The following SLC25A28 variants were observed in gnomAD, a reference collection of about 807,000 sequenced individuals.
The protein encoded by SLC25A28 is mitoferrin-2.
Under a neutral mutation model 31.9 loss-of-function variants are expected in SLC25A28, and 10 were observed. The ratio of observed to expected loss-of-function variants is 0.31; its 90% CI spans 0.19 to 0.53. The LOEUF is 0.53. Ranked by LOEUF, SLC25A28 falls within the 20% of genes least tolerant of loss-of-function variation. SLC25A28 has a pLI of 0.95. For missense variants in SLC25A28, 256 were observed against 490.3 expected (o/e 0.52, Z 4.51); for synonymous variants, 208 against 203.6 (o/e 1.02, Z -0.19).
chr10:99,637,332 A>G, the SLC25A28 span, among the ~76,000 whole-genome samples: 3 of 152,338 alleles, frequency 2.0e-5, no homozygotes, highest in African/African-American at 2.4e-5. Flanking sequence ...AGCCAACATT[A>G]TACTGAATGG....
At chr10:99,655,820 G>C in the SLC25A28 span, among the ~76,000 whole-genome samples, 1 of 152,112 alleles carries the variant, frequency 6.6e-6, no homozygotes, top group African/African-American at 2.4e-5. Context: ...TATCTCCTGG[G>C]ACTGAGGTTG....
chr10:99,647,179 A>G, the SLC25A28 span, among the ~76,000 whole-genome samples: 1 of 152,202 alleles, frequency 6.6e-6, no homozygotes, highest in African/African-American at 2.4e-5. Context: ...ATATATACGC[A>G]TTGGTGGGAT....
chr10:99,647,069 T>C, the SLC25A28 span, among the ~76,000 whole-genome samples: 1 of 152,242 alleles, frequency 6.6e-6, no homozygotes, highest in Non-Finnish European at 1.5e-5. Flanking sequence ...AACCTTCTGC[T>C]GATGGACACA....
Position 99,620,409 on chromosome 10 carries a change from G to C in SLC25A28, c.-74C>G. 6.7e-6 allele frequency: 7 copies of C among 1,048,126 alleles called. No homozygotes were observed. Among genetic ancestry groups the C allele is most frequent in the Non-Finnish European group, 8.0e-6 (7 of 871,920 alleles). The allele number at this position is 1,048,126 out of a possible 1,614,324, so 64.9% of individuals were successfully genotyped here. A position where few individuals can be genotyped will look rare whatever the true frequency, so the allele number is the denominator to read the frequency against. ...GCCGCCGCCGCCCCCCGGCCCCGTAGTGTCCGCCTCAGGCGCGGCCCAGAG... is the reference window on the plus strand; with the variant it reads ...GCCGCCGCCGCCCCCCGGCCCCGTACTGTCCGCCTCAGGCGCGGCCCAGAG... On this transcript the variant is annotated 5_prime_UTR_variant, in exon 1 of 4. Transcript: ENST00000370495.
At chr10:99,623,327 C>T (rs1211261205), upstream of SLC25A28, among the ~76,000 whole-genome samples, 3 of 152,282 alleles carry the variant, frequency 2.0e-5, no homozygotes, top group East Asian at 1.9e-4. Context: ...TCTGACTCAG[C>T]GTGTCCATTC....
chr10:99,654,573 T>C, the SLC25A28 span, among the ~76,000 whole-genome samples: 1 of 152,016 alleles, frequency 6.6e-6, no homozygotes, highest in African/African-American at 2.4e-5. Context: ...GGAGGATTGC[T>C]TGAGCCTGGG....
chr10:99,642,880 A>G, the SLC25A28 span, among the ~76,000 whole-genome samples: 1 of 152,138 alleles, frequency 6.6e-6, no homozygotes, highest in African/African-American at 2.4e-5. Flanking sequence ...ATTAATTTGC[A>G]TATGTCCAAC....
Position 99,611,077 on chromosome 10 carries a change from G to A in SLC25A28, c.867C>T (p.Leu289=), listed in dbSNP as rs2034511540. 2 of 1,614,166 alleles carry A rather than the reference G, an allele frequency of 1.2e-6. No individual in the cohort carries two copies. Residue 289 remains leucine (L), a synonymous_variant, in exon 4 of 4, where the codon CTC becomes CTT. Coordinates refer to ENST00000370495, the MANE Select transcript of SLC25A28 (RefSeq NM_031212.4). This position sits in a 1 kb window ranked among gnomAD's most constrained non-coding sequence, Gnocchi z 5.5. Reference sequence around the variant, plus strand: ...TCAAAGCCAAGGACTCCTGGGTGTTGAGCAGTGTTTTGCAAACGTCCAGTG... The same window carrying A: ...TCAAAGCCAAGGACTCCTGGGTGTTAAGCAGTGTTTTGCAAACGTCCAGTG... ...TTPLDVCKTL[L]NTQESLALNS...
chr10:99,631,274 A>G, the SLC25A28 span, among the ~76,000 whole-genome samples: 3 of 152,202 alleles, frequency 2.0e-5, no homozygotes, highest in African/African-American at 7.2e-5. Flanking sequence ...TTTCTGTGAA[A>G]AAAGATTGAG....
At position 99,620,406 on chromosome 10, in the gene SLC25A28, G is replaced by A; in HGVS notation, c.-71C>T. ...ACTGCCGCCGCCGCCCCCCGGCCCC[G>A]TAGTGTCCGCCTCAGGCGCGGCCCA... On this transcript the variant is annotated 5_prime_UTR_variant, in exon 1 of 4. It adds an upstream start codon to the 5' untranslated region. Transcript: ENST00000370495. 3.0e-6 allele frequency: 3 copies of A among 1,002,922 alleles called. No individual in the cohort carries two copies. Among genetic ancestry groups the A allele is most frequent in the Non-Finnish European group, 2.4e-6 (2 of 848,956 alleles). The allele number at this position is 1,002,922 out of a possible 1,614,324, so 62.1% of individuals were successfully genotyped here.
the SLC25A28 span, among the ~76,000 whole-genome samples, chr10:99,650,700 C>G: frequency 6.6e-6 from 1 of 152,078 alleles, no homozygotes; most frequent in East Asian, 1.9e-4. Context: ...ATAGGAAAGC[C>G]TGGTTTCCCT....
upstream of SLC25A28, chr10:99,621,038 CGCGGGCGT>C (rs2133366044): frequency 1.0e-6 from 1 of 963,368 alleles, no homozygotes; most frequent in Non-Finnish European, 1.2e-6. Context: ...GGGATCTCGT[CGCGGGCGT>C]GAGGCGGGGC....
the SLC25A28 span, among the ~76,000 whole-genome samples, chr10:99,653,281 A>G: frequency 6.6e-6 from 1 of 152,182 alleles, no homozygotes; most frequent in East Asian, 1.9e-4. Context: ...GCCAGCTACC[A>G]TGTAATGAAG....
At chr10:99,628,678 G>A in the SLC25A28 span, among the ~76,000 whole-genome samples, 206 of 152,242 alleles carry the variant, frequency 1.4e-3, no homozygotes, top group African/African-American at 4.7e-3. Context: ...TTAATTAGCC[G>A]GGTGTGGTGG....
chr10:99,611,344 C>T lies in SLC25A28; in HGVS notation c.600G>A (p.Met200Ile), dbSNP rs2034519896. ...PAEVVKQRMQ[M>I]YNSPYHRVTD... ...TCACCCGGTGGTATGGTGAGTTGTACATCTGCATCCTCTGCTTGACCACTA... is the reference window on the plus strand; with the variant it reads ...TCACCCGGTGGTATGGTGAGTTGTATATCTGCATCCTCTGCTTGACCACTA... The change falls in exon 4 of 4, where the codon ATG becomes ATA. Residue 200 changes from methionine to isoleucine, a missense_variant. Around this residue, in one of 4 missense-constraint regions of SLC25A28, gnomAD observed 158 missense variants for 379.1 expected, o/e 0.42. Transcript: ENST00000370495. The surrounding 1 kb of genome is among the most constrained non-coding windows in gnomAD (Gnocchi z 5.5). 1.9e-6 allele frequency: 3 copies of T among 1,613,900 alleles called. No homozygotes were observed. The highest frequency in any genetic ancestry group is 1.3e-5 in the African/African-American group (1 of 74,864).
the SLC25A28 span, among the ~76,000 whole-genome samples, chr10:99,630,197 T>C: frequency 1.9e-4 from 29 of 152,224 alleles, no homozygotes; most frequent in African/African-American, 7.0e-4. Context: ...GGTACAGATC[T>C]CAGCTCACTC....
At chr10:99,646,852 G>A in the SLC25A28 span, among the ~76,000 whole-genome samples, 1 of 152,174 alleles carries the variant, frequency 6.6e-6, no homozygotes, top group Non-Finnish European at 1.5e-5. Flanking sequence ...AGTCTCCAGT[G>A]TCTAATAGTC....
At chr10:99,654,596 C>T in the SLC25A28 span, among the ~76,000 whole-genome samples, 1 of 152,034 alleles carries the variant, frequency 6.6e-6, no homozygotes, top group Admixed American at 6.6e-5. Context: ...GCAGAGGTTG[C>T]AGTCAGCCGA....
rs2034530809 is a variant in SLC25A28 at position 99,611,845 on chromosome 10, GA to G, written c.578-480del. On this transcript the variant is annotated intron_variant, in intron 3 of 3. Transcript: ENST00000370495. The surrounding 1 kb of genome is among the most constrained non-coding windows in gnomAD (Gnocchi z 5.5). The stretch of plus-strand genomic sequence containing the variant: ...GGGAGGAGACAGAAGTTCTACCAAA[GA>G]AAAGATTCTTAGCCAAAAAGAGTTG... Among the ~76,000 whole-genome samples the G allele has an allele frequency of 6.6e-6, 1 of 152,174 alleles. No individual in the cohort carries two copies. The highest frequency in any genetic ancestry group is 2.1e-4 in the South Asian group (1 of 4,830).
Sources: gnomAD v4.1 joint callset for allele counts (sites outside exome capture counted in the v4.1 genomes callset) on GRCh38, gnomAD v4.1.1 for gene constraint, gnomAD v4.1.1 regional missense constraint, Gnocchi (gnomAD v3.1) non-coding constraint, MANE v1.5 for transcripts, NCBI Gene and HGNC (gene_info 2026-07-23, HGNC 2026-07-21) for gene names.